Variants in GOLIM4 observed in about 807,000 individuals in gnomAD.
GOLIM4 encodes the protein 130 kDa golgi-localized phosphoprotein.
In GOLIM4, 71 loss-of-function variants were observed where a neutral mutation model predicts 107.4. The observed-to-expected ratio is 0.66, with a 90% CI of 0.55 to 0.81. The LOEUF (loss-of-function observed/expected upper bound fraction) is 0.81. Ranked by LOEUF, GOLIM4 falls within the 30% of genes least tolerant of loss-of-function variation. The pLI is 0.00. For synonymous variants in GOLIM4, 327 were observed against 294.8 expected (o/e 1.11, Z -1.12); for missense variants, 830 against 826.1 (o/e 1.00, Z -0.06).
Position 168,046,934 on chromosome 3 carries a change from A to G in GOLIM4, c.312+16T>C, listed in dbSNP as rs767121331. The G allele has an allele frequency of 7.7e-7, 1 of 1,303,112 alleles. No homozygotes were observed. The highest frequency in any genetic ancestry group is 2.6e-5 in the East Asian group (1 of 38,210). The allele number at this position is 1,303,112 out of a possible 1,614,324, so 80.7% of individuals were successfully genotyped here. ...TAAGGAAAACAAACAACCACAACAA[A>G]AAAAACAAAACTTACCCTTCCTTTA... is the stretch of plus-strand genomic sequence containing the variant. On this transcript the variant is annotated intron_variant, in intron 3 of 15. Transcript: ENST00000470487.
intron 1 of GOLIM4, among the ~76,000 whole-genome samples, chr3:168,054,739 C>A (rs1457524141): frequency 6.6e-6 from 1 of 152,076 alleles, no homozygotes; most frequent in Non-Finnish European, 1.5e-5. Flanking sequence ...GCGAGAATTT[C>A]TGAATTACTT....
intron 1 of GOLIM4, among the ~76,000 whole-genome samples, chr3:168,057,855 T>C (rs753368971): frequency 1.6e-4 from 25 of 152,220 alleles, no homozygotes; most frequent in South Asian, 2.1e-4. Context: ...TCGACAGCAC[T>C]TGTTCAATGA....
chr3:168,020,434 C>T (rs1399211392), intron 14 of GOLIM4, among the ~76,000 whole-genome samples: 1 of 152,164 alleles, frequency 6.6e-6, no homozygotes, highest in Admixed American at 6.5e-5. Context: ...TTATGAAGAA[C>T]TCTGCTTCCT....
In GOLIM4 at chr3:168,010,405, T is replaced by A. The variant is rs1716932368; in HGVS notation, c.1955A>T (p.Asn652Ile). The change falls in exon 16 of 16, where the codon AAT (asparagine) becomes ATT (isoleucine). Residue 652 changes from asparagine (N) to isoleucine (I), a missense_variant. Coordinates refer to ENST00000470487, the MANE Select transcript of GOLIM4 (RefSeq NM_014498.5). ...AACTTCTTGCTCTTCTCCATCATTA[T>A]TTTTATCATCAGTCTTAAAATTAAA... is the stretch of plus-strand genomic sequence containing the variant. ...GENDENTDDK[N>I]NDGEEQEVRD... is the part of the protein sequence containing the mutation. 1 of 1,601,876 alleles carries A rather than the reference T, an allele frequency of 6.2e-7. No individual in the cohort carries two copies. The highest frequency in any genetic ancestry group is 8.5e-7 in the Non-Finnish European group (1 of 1,170,028).
At chr3:168,078,335 A>G (rs1721171451) in intron 1 of GOLIM4, among the ~76,000 whole-genome samples, 1 of 152,164 alleles carries the variant, frequency 6.6e-6, no homozygotes, top group South Asian at 2.1e-4. Context: ...ATAAAAGTAA[A>G]ATCAATTACA....
At chr3:168,051,981 AG>A (rs1719673972) in intron 1 of GOLIM4, among the ~76,000 whole-genome samples, 1 of 152,188 alleles carries the variant, frequency 6.6e-6, no homozygotes, top group Non-Finnish European at 1.5e-5. Flanking sequence ...TGAAAAATCT[AG>A]AAAGAAGAGG....
At chr3:168,013,893 T>C (rs911585904) in intron 14 of GOLIM4, among the ~76,000 whole-genome samples, 13 of 150,714 alleles carry the variant, frequency 8.6e-5, no homozygotes, top group African/African-American at 3.0e-4. Flanking sequence ...CAAAGCAGTG[T>C]GTAGAGGGAA....
At chr3:168,066,119 G>A (rs961936016) in intron 1 of GOLIM4, among the ~76,000 whole-genome samples, 20 of 152,124 alleles carry the variant, frequency 1.3e-4, no homozygotes, top group African/African-American at 4.8e-4. Context: ...AAGAGAAGGG[G>A]TAACATCTTT....
At chr3:168,081,449 G>T (rs1721360108) in intron 1 of GOLIM4, among the ~76,000 whole-genome samples, 1 of 152,186 alleles carries the variant, frequency 6.6e-6, no homozygotes, top group African/African-American at 2.4e-5. Context: ...AATATTCTTA[G>T]CTGTTTGGCA....
intron 1 of GOLIM4, among the ~76,000 whole-genome samples, chr3:168,088,385 C>T (rs1299373311): frequency 6.6e-6 from 1 of 152,084 alleles, no homozygotes; most frequent in East Asian, 1.9e-4. Flanking sequence ...TTCTGGTCAC[C>T]TAATAAATGG....
chr3:168,061,713 C>T (rs1720282682), intron 1 of GOLIM4, among the ~76,000 whole-genome samples: 1 of 152,166 alleles, frequency 6.6e-6, no homozygotes, highest in African/African-American at 2.4e-5. Flanking sequence ...TGAATGATTA[C>T]ATTTATAAAA....
intron 1 of GOLIM4, among the ~76,000 whole-genome samples, chr3:168,054,547 T>C (rs536764479): frequency 1.7e-4 from 26 of 152,280 alleles, no homozygotes; most frequent in African/African-American, 6.3e-4. Flanking sequence ...CAATACTTCG[T>C]CTCCTTTCCT....
At chr3:168,063,752 G>A (rs1720392070) in intron 1 of GOLIM4, among the ~76,000 whole-genome samples, 1 of 151,852 alleles carries the variant, frequency 6.6e-6, no homozygotes, top group Admixed American at 6.6e-5. Context: ...GCATCAGGAA[G>A]CATAGCTAAT....
intron 1 of GOLIM4, among the ~76,000 whole-genome samples, chr3:168,059,226 A>C (rs1398725507): frequency 6.6e-6 from 1 of 152,224 alleles, no homozygotes; most frequent in Non-Finnish European, 1.5e-5. Flanking sequence ...AAAAGGAAAC[A>C]ACCTAAAATC....
chr3:168,061,575 G>C (rs1439731373), intron 1 of GOLIM4, among the ~76,000 whole-genome samples: 2 of 152,126 alleles, frequency 1.3e-5, no homozygotes, highest in Non-Finnish European at 2.9e-5. Context: ...TATCATAGTA[G>C]AACGGATAAG....
At chr3:168,029,420 C>A in intron 10 of GOLIM4, 118 bp from the exon 11 acceptor site, 2 of 642,022 alleles carry the variant, frequency 3.1e-6, no homozygotes, top group South Asian at 3.2e-5. Flanking sequence ...TTTTAAGAAG[C>A]CATGAAAAAT....
chr3:168,015,053 G>A (rs1250380279), intron 14 of GOLIM4, among the ~76,000 whole-genome samples: 2 of 151,386 alleles, frequency 1.3e-5, no homozygotes, highest in Non-Finnish European at 2.9e-5. Context: ...AATTAGGCAG[G>A]AGAAGGAAAT....
Position 168,015,738 on chromosome 3 carries a change from A to G in GOLIM4, c.1861-4915T>C, listed in dbSNP as rs1434898416. 2.2e-4 allele frequency among the ~76,000 whole-genome samples: 30 copies of G among 134,940 alleles called. 3 individuals are homozygous for G. The highest frequency in any genetic ancestry group is 1.7e-3 in the South Asian group (8 of 4,754). The allele number at this position is 134,940 out of a possible 152,430, so 88.5% of individuals were successfully genotyped here. On this transcript the variant is annotated intron_variant, in intron 14 of 15. Coordinates refer to ENST00000470487, the MANE Select transcript of GOLIM4 (RefSeq NM_014498.5). ...ACAGAGCCCTCAGAAATAACGTCGC[A>G]TATCTACAACTATCTGATCTTTGAC...
At chr3:168,083,908 A>G (rs1368932332) in intron 1 of GOLIM4, among the ~76,000 whole-genome samples, 3 of 152,220 alleles carry the variant, frequency 2.0e-5, no homozygotes, top group African/African-American at 7.2e-5. Context: ...AATGAAGATA[A>G]TATGGCAGAA....
Sources: allele counts gnomAD v4.1 joint callset (sites outside exome capture counted in the v4.1 genomes callset), GRCh38; gene constraint gnomAD v4.1.1; transcripts MANE v1.5; gene names NCBI Gene and HGNC (gene_info 2026-07-23, HGNC 2026-07-21).